Variants in DYM observed in about 807,000 individuals in gnomAD.
DYM encodes the protein dymeclin.
Under a neutral mutation model 93.1 loss-of-function variants are expected in DYM, and 78 were observed. That is an observed-to-expected ratio of 0.84 (90% CI 0.70 to 1.01). The LOEUF is 1.01. DYM is among the 50% of genes least tolerant of loss of function. The pLI is 0.00. For missense variants in DYM, 789 were observed against 845.0 expected (o/e 0.93, Z 0.82); for synonymous variants, 321 against 319.7 (o/e 1.00, Z -0.04).
intron 17 of DYM, among the ~76,000 whole-genome samples, chr18:49,081,114 G>A (rs2077960455): frequency 6.6e-6 from 1 of 151,046 alleles, no homozygotes; most frequent in African/African-American, 2.4e-5. Flanking sequence ...CGGCCGGGCA[G>A]AGGCTGCAAT....
chr18:49,418,868 G>A (rs1490143769), intron 2 of DYM, among the ~76,000 whole-genome samples: 5 of 152,124 alleles, frequency 3.3e-5, no homozygotes, highest in Non-Finnish European at 7.4e-5. Context: ...CAGTGCCAAA[G>A]AGAAAGTGAC....
At chr18:49,240,724 C>T (rs1190753578) in intron 13 of DYM, among the ~76,000 whole-genome samples, 1 of 152,086 alleles carries the variant, frequency 6.6e-6, no homozygotes, top group Non-Finnish European at 1.5e-5. Context: ...AATGCTATTC[C>T]ATCAGAAAAG....
intron 3 of DYM, among the ~76,000 whole-genome samples, chr18:49,383,360 G>T (rs866662677): frequency 6.6e-6 from 1 of 151,926 alleles, no homozygotes; most frequent in African/African-American, 2.4e-5. Flanking sequence ...TGGAGGGAGA[G>T]GTAGAAAGAC....
At chr18:49,102,159 A>G (rs1162226383) in intron 16 of DYM, among the ~76,000 whole-genome samples, 4 of 152,224 alleles carry the variant, frequency 2.6e-5, no homozygotes, top group Admixed American at 2.6e-4. Context: ...AAATGAGGGT[A>G]CTGATACACA....
intron 10 of DYM, among the ~76,000 whole-genome samples, chr18:49,273,479 C>T (rs1217091992): frequency 6.6e-6 from 1 of 152,150 alleles, no homozygotes. Context: ...TGCCACATAA[C>T]ATTTCCATTA....
intron 15 of DYM, among the ~76,000 whole-genome samples, chr18:49,135,088 A>G (rs1277299597): frequency 6.6e-6 from 1 of 152,204 alleles, no homozygotes; most frequent in African/African-American, 2.4e-5. Flanking sequence ...AGCCTGGGCA[A>G]CAAGAGCAAA....
chr18:49,422,955 T>C lies in DYM; in HGVS notation c.140+7300A>G, dbSNP rs903297044. Among the ~76,000 whole-genome samples the C allele has an allele frequency of 4.6e-5, 7 of 152,150 alleles. No individual in the cohort carries two copies. The Middle Eastern group carries it at 0.014, about 296-fold the overall frequency. On this transcript the variant is annotated intron_variant, in intron 2 of 17. Transcript: ENST00000675505. ...TCCCACACAATAATAATGGGAGACT[T>C]TCACACCCCACTGTCAACATTAGAC... is the stretch of plus-strand genomic sequence containing the variant.
At chr18:49,348,187 A>G (rs1568293959) in intron 6 of DYM, among the ~76,000 whole-genome samples, 1 of 152,238 alleles carries the variant, frequency 6.6e-6, no homozygotes, top group Non-Finnish European at 1.5e-5. Flanking sequence ...TTACTATTGG[A>G]TAAGAAACCT....
Position 49,317,650 on chromosome 18 carries a change from T to TCTCCTC in DYM, c.763+14213_763+14214insGAGGAG, listed in dbSNP as rs1555690539. Among the ~76,000 whole-genome samples the TCTCCTC allele has an allele frequency of 3.2e-3, 232 of 73,510 alleles. 2 individuals are homozygous for TCTCCTC. The highest frequency in any genetic ancestry group is 8.5e-3 in the African/African-American group (124 of 14,542). The allele number at this position is 73,510 out of a possible 152,430, so 48.2% of individuals were successfully genotyped here. The stretch of plus-strand genomic sequence containing the variant: ...CTCCCTCTCCTATCCTCTCCTCTCC[T>TCTCCTC]TCCTTCCTTCCTTCCTTCCTTCCTT... On this transcript the variant is annotated intron_variant, in intron 8 of 17. Transcript: ENST00000675505.
At chr18:49,281,919 G>A (rs1568164337) in intron 10 of DYM, 78 bp downstream of exon 10, 8 of 1,400,734 alleles carry the variant, frequency 5.7e-6, no homozygotes, top group Non-Finnish European at 4.9e-6. Flanking sequence ...TAACCTGCAC[G>A]CTGTGCCATG....
intron 15 of DYM, among the ~76,000 whole-genome samples, chr18:49,125,453 G>C (rs1352569171): frequency 6.6e-6 from 1 of 152,144 alleles, no homozygotes; most frequent in Non-Finnish European, 1.5e-5. Flanking sequence ...CTGGATGTCA[G>C]TGGTAGTAGT....
rs116169901 is a variant in DYM, at chr18:49,321,788, G to A, written c.763+10076C>T. Among the ~76,000 whole-genome samples the A allele has an allele frequency of 9.9e-3, 1,500 of 152,098 alleles. 23 individuals carry two copies. The highest frequency in any genetic ancestry group is 0.034 in the African/African-American group (1,426 of 41,494). ...AAAAAGTCATTCTTTCTGTGAGCAC[G>A]TAAAATCTCTCAAATTATTCCAAAT... On this transcript the variant is annotated intron_variant, in intron 8 of 17. Transcript: ENST00000675505.
chr18:49,230,990 T>C (rs1169103783), intron 13 of DYM, among the ~76,000 whole-genome samples: 1 of 152,192 alleles, frequency 6.6e-6, no homozygotes, highest in Admixed American at 6.5e-5. Flanking sequence ...CATTATTTAT[T>C]TAAAAAATGA....
rs1043140137 is a variant in DYM, at chr18:49,397,043, G to A, written c.141-5398C>T. On this transcript the variant is annotated intron_variant, in intron 2 of 17. Transcript: ENST00000675505. ...ATAATGTACTTTACATTTCAAAATGGCTAAAATAATTTTGAATGTTCTCAC... is the reference window on the plus strand; with the variant it reads ...ATAATGTACTTTACATTTCAAAATGACTAAAATAATTTTGAATGTTCTCAC... Among the ~76,000 whole-genome samples the A allele has an allele frequency of 4.6e-5, 7 of 152,084 alleles. No homozygotes were observed. In the East Asian group the frequency reaches 1.3e-3, roughly 29 times the overall value.
At chr18:49,393,301 C>T (rs1360955331) in intron 2 of DYM, among the ~76,000 whole-genome samples, 2 of 151,974 alleles carry the variant, frequency 1.3e-5, no homozygotes, top group East Asian at 1.9e-4. Context: ...AATTACCATC[C>T]GGGTAGATAC....
intron 11 of DYM, among the ~76,000 whole-genome samples, chr18:49,260,272 C>T (rs2094469101): frequency 6.6e-6 from 1 of 152,160 alleles, no homozygotes; most frequent in African/African-American, 2.4e-5. Context: ...GTCCCAGCTA[C>T]TCTGGAGGCA....
At chr18:49,103,687 G>A (rs2080441115) in intron 16 of DYM, among the ~76,000 whole-genome samples, 1 of 152,100 alleles carries the variant, frequency 6.6e-6, no homozygotes, top group Admixed American at 6.5e-5. Flanking sequence ...CCCATTTCTT[G>A]TTTTTGTCAG....
intron 11 of DYM, among the ~76,000 whole-genome samples, chr18:49,267,310 A>C (rs760970557): frequency 3.1e-4 from 47 of 152,132 alleles, no homozygotes; most frequent in Non-Finnish European, 5.3e-4. Context: ...AAAGTTCAAA[A>C]CTCAACCATA....
chr18:49,432,555 C>CA (rs1221265366), intron 1 of DYM, among the ~76,000 whole-genome samples: 5 of 143,844 alleles, frequency 3.5e-5, no homozygotes, highest in Non-Finnish European at 7.5e-5. Flanking sequence ...TTAAAACTGG[C>CA]AAAAAATATT....
Sources: gnomAD v4.1 joint callset for allele counts (sites outside exome capture counted in the v4.1 genomes callset) on GRCh38, gnomAD v4.1.1 for gene constraint, MANE v1.5 for transcripts, NCBI Gene and HGNC (gene_info 2026-07-23, HGNC 2026-07-21) for gene names.